Variants in CNGB3 observed in about 807,000 individuals in gnomAD.
The protein encoded by CNGB3 is cyclic nucleotide-gated channel beta-3.
Under a neutral mutation model 92.8 loss-of-function variants are expected in CNGB3, and 86 were observed. That is an observed-to-expected ratio of 0.93 (90% confidence interval 0.78 to 1.11). The LOEUF is 1.11. CNGB3 is among the 50% of genes least tolerant of loss of function. The pLI, the probability that CNGB3 is intolerant of heterozygous loss-of-function variation, is 0.00. For synonymous variants in CNGB3, 333 were observed against 332.7 expected (o/e 1.00, Z -0.01); for missense variants, 1,026 against 956.8 (o/e 1.07, Z -0.95).
intron 3 of CNGB3, among the ~76,000 whole-genome samples, chr8:86,703,363 G>A (rs2131648917): frequency 6.6e-6 from 1 of 152,300 alleles, no homozygotes; most frequent in Middle Eastern, 3.4e-3. Flanking sequence ...GGGAGGAGGA[G>A]AGGAAAATAA....
intron 14 of CNGB3, among the ~76,000 whole-genome samples, chr8:86,610,655 C>T (rs1029738233): frequency 2.0e-4 from 30 of 152,126 alleles, no homozygotes; most frequent in African/African-American, 7.2e-4. Flanking sequence ...TGTGAACTCA[C>T]CAAGGTGTTG....
intron 3 of CNGB3, among the ~76,000 whole-genome samples, chr8:86,681,121 C>T (rs886914224): frequency 6.6e-6 from 1 of 151,944 alleles, no homozygotes; most frequent in African/African-American, 2.4e-5. Flanking sequence ...CTGAAGAAAA[C>T]AAATTTAAAA....
intron 15 of CNGB3, chr8:86,594,064 A>G (rs1244991963): frequency 1.2e-5 from 4 of 340,100 alleles, no homozygotes; most frequent in Non-Finnish European, 2.3e-5. Context: ...ATACATGCCC[A>G]GTTTTGTGCT....
intron 6 of CNGB3, chr8:86,659,782 G>GCTTTCAGT (rs1334658594): frequency 5.3e-6 from 2 of 374,082 alleles, no homozygotes; most frequent in Admixed American, 7.2e-5. Flanking sequence ...TTGGCTCCCT[G>GCTTTCAGT]CTTTCAGTTG....
intron 2 of CNGB3, among the ~76,000 whole-genome samples, chr8:86,738,263 A>G (rs1825280450): frequency 6.6e-6 from 1 of 152,120 alleles, no homozygotes; most frequent in Admixed American, 6.5e-5. Context: ...AAGGTCTAGA[A>G]AGGGGGTCTG....
chr8:86,641,793 T>G (rs1823193429), intron 10 of CNGB3, among the ~76,000 whole-genome samples: 1 of 151,938 alleles, frequency 6.6e-6, no homozygotes, highest in African/African-American at 2.4e-5. Flanking sequence ...CAGCAATCAC[T>G]GAAAACTGTT....
intron 3 of CNGB3, among the ~76,000 whole-genome samples, chr8:86,684,961 C>T (rs1223377390): frequency 1.3e-5 from 2 of 151,950 alleles, no homozygotes; most frequent in Non-Finnish European, 2.9e-5. Flanking sequence ...ATATGCCATA[C>T]ACAAACACAC....
intron 15 of CNGB3, among the ~76,000 whole-genome samples, chr8:86,600,612 T>G (rs1016782621): frequency 2.0e-5 from 3 of 150,552 alleles, no homozygotes; most frequent in African/African-American, 7.3e-5. Flanking sequence ...CCTTTTTTTT[T>G]TCTTTTTTTT....
At chr8:86,705,405 T>C (rs1434750812) in intron 3 of CNGB3, among the ~76,000 whole-genome samples, 4 of 152,046 alleles carry the variant, frequency 2.6e-5, no homozygotes, top group Non-Finnish European at 5.9e-5. Context: ...CTGCCCCCGC[T>C]GCCCCCAACC....
intron 3 of CNGB3, among the ~76,000 whole-genome samples, chr8:86,698,337 A>G (rs1369766535): frequency 6.6e-6 from 1 of 152,222 alleles, no homozygotes; most frequent in Non-Finnish European, 1.5e-5. Context: ...CTTTGTATGA[A>G]TGTTATTATG....
intron 3 of CNGB3, among the ~76,000 whole-genome samples, chr8:86,694,065 CGGGCGGGGGGGCTG>C (rs1356557611): frequency 0.34 from 16,113 of 47,560 alleles, 1,910 homozygotes; most frequent in South Asian, 0.49. Flanking sequence ...GGCGGCTGGC[CGGGCGGGGGGGCTG>C]ACCCCCCCAC....
intron 3 of CNGB3, among the ~76,000 whole-genome samples, chr8:86,725,999 T>C (rs971784372): frequency 6.6e-6 from 1 of 152,202 alleles, no homozygotes; most frequent in African/African-American, 2.4e-5. Context: ...TTTGCAGTAT[T>C]TCCAATACTC....
intron 3 of CNGB3, among the ~76,000 whole-genome samples, chr8:86,692,831 T>A (rs1038361590): frequency 6.6e-6 from 1 of 152,098 alleles, no homozygotes; most frequent in Non-Finnish European, 1.5e-5. Flanking sequence ...TTCTGTGAAG[T>A]TTTTGCTTTA....
chr8:86,666,804 T>C (rs1196935107), intron 6 of CNGB3, 121 bp downstream of exon 6: 1 of 809,036 alleles, frequency 1.2e-6, no homozygotes, highest in East Asian at 2.6e-5. Context: ...TGCTCATGAC[T>C]TCTTGCAATT....
At chr8:86,644,135 C>T (rs566257215) in intron 9 of CNGB3, among the ~76,000 whole-genome samples, 182 of 151,138 alleles carry the variant, frequency 1.2e-3, no homozygotes, top group African/African-American at 3.3e-3. Flanking sequence ...GAGTCAACTC[C>T]GTGAAAGACA....
In CNGB3 at chr8:86,735,042, G is replaced by GGTTTTTTTTTTTTTT. The variant is rs1554618958; in HGVS notation, c.211+4612_211+4613insAAAAAAAAAAAAAAC. ...CATGTCAAATTCTCAAATGCCGGTG[G>GGTTTTTTTTTTTTTT]TTTTTTTTTTTTTTTTTTTTTTTTT... On this transcript the variant is annotated intron_variant, in intron 2 of 17. Coordinates refer to ENST00000320005, the MANE Select transcript of CNGB3 (RefSeq NM_019098.5). Among the ~76,000 whole-genome samples, 13 of 85,870 alleles carry GGTTTTTTTTTTTTTT rather than the reference G, an allele frequency of 1.5e-4. 2 individuals carry two copies. The highest frequency in any genetic ancestry group is 3.8e-4 in the East Asian group (1 of 2,624). 56.3% of individuals were successfully genotyped at this position (85,870 alleles called of 152,430 possible).
At chr8:86,629,143 C>T in intron 11 of CNGB3, 65 bp from the exon 12 acceptor site, 12 of 1,541,504 alleles carry the variant, frequency 7.8e-6, no homozygotes, top group South Asian at 5.6e-5. Flanking sequence ...AGTCAAATTA[C>T]ATGTTTTCCA....
At chr8:86,586,665 T>A (rs891132636) in intron 15 of CNGB3, among the ~76,000 whole-genome samples, 1 of 151,280 alleles carries the variant, frequency 6.6e-6, no homozygotes, top group Admixed American at 6.6e-5. Context: ...AGGACATGAA[T>A]TCATCATTTT....
At chr8:86,706,910 T>C (rs962338338) in intron 3 of CNGB3, among the ~76,000 whole-genome samples, 4 of 152,198 alleles carry the variant, frequency 2.6e-5, no homozygotes, top group Non-Finnish European at 5.9e-5. Context: ...GTACATTAAA[T>C]TGTGAATTTT....
Sources: gnomAD v4.1 joint callset for allele counts (sites outside exome capture counted in the v4.1 genomes callset) on GRCh38, gnomAD v4.1.1 for gene constraint, MANE v1.5 for transcripts, NCBI Gene and HGNC (gene_info 2026-07-23, HGNC 2026-07-21) for gene names.